The following NCOA4 variants were observed in gnomAD, a reference collection of about 807,000 sequenced individuals.
The protein encoded by NCOA4 is 70 kDa AR-activator.
In NCOA4, 31 loss-of-function variants were observed where a neutral mutation model predicts 69.5. The observed-to-expected ratio is 0.45, with a 90% CI of 0.34 to 0.60. The LOEUF (loss-of-function observed/expected upper bound fraction) is 0.60. NCOA4 is among the 20% of genes least tolerant of loss of function. The probability of loss-of-function intolerance (pLI) is 0.02; values close to 1 mark genes in which losing one functional copy is unlikely to be tolerated. For synonymous variants in NCOA4, 228 were observed against 252.4 expected, an observed-to-expected ratio of 0.90 and a Z score of 0.92; for missense variants, 600 against 719.2, an observed-to-expected ratio of 0.83 and a Z score of 1.90.
chr10:46,017,375 C>T (rs1173852614), intron 1 of NCOA4, among the ~76,000 whole-genome samples: 3 of 151,986 alleles, frequency 2.0e-5, no homozygotes, highest in Non-Finnish European at 2.9e-5. Context: ...AGCCAGACCC[C>T]GTCTCTACAA....
At chr10:46,020,393 T>C (rs563934196) in intron 1 of NCOA4, among the ~76,000 whole-genome samples, 7 of 152,310 alleles carry the variant, frequency 4.6e-5, no homozygotes, top group African/African-American at 1.7e-4. Flanking sequence ...TAAAGTGAGA[T>C]ATTATATGTC....
At chr10:46,011,519 C>T (rs1213654639) in intron 7 of NCOA4, among the ~76,000 whole-genome samples, 6 of 151,802 alleles carry the variant, frequency 4.0e-5, no homozygotes, top group Middle Eastern at 3.4e-3. Flanking sequence ...TCGTGATCCG[C>T]CCACCTCAGC....
rs267602517 is a variant in NCOA4 at position 46,010,226 on chromosome 10, G to T, written c.1695C>A (p.Ala565=). ...GEDKWLLRKK[A]QEVLLNSPLQ... is the part of the protein sequence containing the mutation. ...CTATTTTGATGTTTATGCTCACCTG[G>T]GCCTTCTTTCGAAGCAGCCACTTGT... is the stretch of plus-strand genomic sequence containing the variant. The change falls in exon 8 of 10, where the codon GCC becomes GCA. Residue 565 remains alanine (A), a synonymous_variant. Coordinates refer to ENST00000581486, the MANE Select transcript of NCOA4 (RefSeq NM_001145263.2). 80 of 1,600,068 alleles carry T rather than the reference G, an allele frequency of 5.0e-5. No homozygotes were observed. The highest frequency in any genetic ancestry group is 6.4e-5 in the Non-Finnish European group (75 of 1,175,472).
Position 46,016,710 on chromosome 10 carries a change from AT to A in NCOA4, c.-14-17del. Reference sequence around the variant, plus strand: ...CTCACTGCTCCTTTAAAAGAAAAAAATATATATAAATAGCACCATAATTACA... The same window carrying A: ...CTCACTGCTCCTTTAAAAGAAAAAAAATATATAAATAGCACCATAATTACA... On this transcript the variant is annotated splice_polypyrimidine_tract_variant and intron_variant, in intron 1 of 9. Transcript: ENST00000581486. 2.2e-6 allele frequency: 3 copies of A among 1,386,912 alleles called. No individual in the cohort carries two copies. Among genetic ancestry groups the A allele is most frequent in the Non-Finnish European group, 1.9e-6 (2 of 1,056,236 alleles). The allele number at this position is 1,386,912 out of a possible 1,614,324, so 85.9% of individuals were successfully genotyped here. A position where few individuals can be genotyped will look rare whatever the true frequency, so the allele number is the denominator to read the frequency against.
In NCOA4 at chr10:46,015,279, T is replaced by G. The variant is rs782204766; in HGVS notation, c.142-13A>C. 6.6e-7 allele frequency: 1 copy of G among 1,518,780 alleles called. No individual in the cohort carries two copies. Among genetic ancestry groups the G allele is most frequent in the East Asian group, 2.9e-5 (1 of 34,760 alleles). The allele number at this position is 1,518,780 out of a possible 1,614,324, so 94.1% of individuals were successfully genotyped here. A position where few individuals can be genotyped will look rare whatever the true frequency, so the allele number is the denominator to read the frequency against. On this transcript the variant is annotated splice_polypyrimidine_tract_variant and intron_variant, in intron 2 of 9. Transcript: ENST00000581486. ...TCTGAGCTTTGACCTAGGAAACACA[T>G]ACATGTTAGCTTCCTAGTGTTAATC...
At chr10:46,017,606 T>C (rs1003894276) in intron 1 of NCOA4, among the ~76,000 whole-genome samples, 1 of 152,018 alleles carries the variant, frequency 6.6e-6, no homozygotes, top group South Asian at 2.1e-4. Context: ...AGAGAATATA[T>C]GTAATATATA....
Position 46,006,339 on chromosome 10 carries a change from G to T in NCOA4, c.*253C>A, listed in dbSNP as rs187549764. The T allele has an allele frequency of 9.6e-6, 5 of 521,118 alleles. No individual in the cohort carries two copies. The highest frequency in any genetic ancestry group is 9.4e-5 in the African/African-American group (5 of 53,058). 32.3% of individuals were successfully genotyped at this position (521,118 alleles called of 1,614,324 possible). On this transcript the variant is annotated 3_prime_UTR_variant, in exon 10 of 10. Coordinates refer to ENST00000581486, the MANE Select transcript of NCOA4 (RefSeq NM_001145263.2). ...CGTCCACAAAGATGCTGCATTTCTA[G>T]TGTGGGGTGAATTAAAATACTTCTG...
At chr10:46,022,473 T>C (rs1839931613) in intron 1 of NCOA4, 1 of 467,336 alleles carries the variant, frequency 2.1e-6, no homozygotes, top group Admixed American at 2.4e-5. Flanking sequence ...TTTGGGTTTT[T>C]TTTTTGTTTT....
intron 1 of NCOA4, among the ~76,000 whole-genome samples, chr10:46,025,729 A>C (rs961311125): frequency 6.6e-6 from 1 of 152,192 alleles, no homozygotes; most frequent in East Asian, 1.9e-4. Flanking sequence ...ACTTTTGGCC[A>C]ATAGAGTTGG....
At chr10:46,013,666 G>A (rs1554922359) in intron 5 of NCOA4, 27 bp from the exon 6 acceptor site, 4 of 1,518,568 alleles carry the variant, frequency 2.6e-6, no homozygotes, top group Non-Finnish European at 3.6e-6. Flanking sequence ...ATTTAATCAT[G>A]TTATTTATGC....
intron 7 of NCOA4, among the ~76,000 whole-genome samples, chr10:46,012,476 C>T (rs1393894935): frequency 4.6e-5 from 7 of 151,762 alleles, no homozygotes; most frequent in Admixed American, 3.9e-4. Context: ...TTATATACTA[C>T]TAAATACTTT....
In NCOA4 at chr10:46,020,588, T is replaced by C. The variant is rs116700731; in HGVS notation, c.-14-3894A>G. Among the ~76,000 whole-genome samples the C allele has an allele frequency of 6.4e-3, 980 of 152,316 alleles. 7 individuals are homozygous for C. Among genetic ancestry groups the C allele is most frequent in the East Asian group, 0.019 (97 of 5,188 alleles). ...CTTCCTAATTCATATGTGAGGAATATAGACTCACAGACTTAGGGGTAAGGA... is the reference window on the plus strand; with the variant it reads ...CTTCCTAATTCATATGTGAGGAATACAGACTCACAGACTTAGGGGTAAGGA... On this transcript the variant is annotated intron_variant, in intron 1 of 9. Transcript: ENST00000581486.
At position 46,019,408 on chromosome 10, in the gene NCOA4, C is replaced by CAAG. The variant is rs569571583; in HGVS notation, c.-14-2717_-14-2715dup. ...TCACTTTGCACTTAGGCCAGTCATG[C>CAAG]AAGACCTGTTTAGCAGTCTTTCAAA... On this transcript the variant is annotated intron_variant, in intron 1 of 9. Transcript: ENST00000581486. The CAAG allele has an allele frequency of 1.4e-3, 1,337 of 985,446 alleles. 2 individuals are homozygous for CAAG. The highest frequency in any genetic ancestry group is 7.8e-3 in the Middle Eastern group (15 of 1,914). The allele number at this position is 985,446 out of a possible 1,614,324, so 61.0% of individuals were successfully genotyped here.
chr10:46,006,681 T>A, intron 9 of NCOA4, 84 bp from the exon 10 acceptor site: 3 of 1,271,786 alleles, frequency 2.4e-6, no homozygotes, highest in Non-Finnish European at 3.5e-6. Context: ...CCGACTCATT[T>A]CCCAATACAG....
At chr10:46,016,410 G>A (rs1441881376) in intron 2 of NCOA4, 130 bp downstream of exon 2, 2 of 748,284 alleles carry the variant, frequency 2.7e-6, no homozygotes, top group Non-Finnish European at 3.9e-6. Context: ...CAACTGACGG[G>A]GACCAAGTAG....
At chr10:46,025,906 G>A (rs1413290902) in intron 1 of NCOA4, among the ~76,000 whole-genome samples, 1 of 152,152 alleles carries the variant, frequency 6.6e-6, no homozygotes, top group African/African-American at 2.4e-5. Context: ...CTAATACTAA[G>A]CAGACAACCT....
chr10:46,010,579 G>A lies in NCOA4; in HGVS notation c.1342C>T (p.Pro448Ser). ...GAATCTTTATGCTTCTCAGGCTCAG[G>A]TTTGGGTTCCACAGGCATCCCATTT... ...DKNGMPVEPK[P>S]EPEKHKDSLN... The change falls in exon 8 of 10, where the codon CCT becomes TCT. Residue 448 changes from proline to serine, a missense_variant. Transcript: ENST00000581486. 6.2e-7 allele frequency: 1 copy of A among 1,614,198 alleles called. No homozygotes were observed. The highest frequency in any genetic ancestry group is 8.5e-7 in the Non-Finnish European group (1 of 1,180,040).
chr10:46,012,912 T>A lies in NCOA4; in HGVS notation c.685A>T (p.Thr229Ser), dbSNP rs782736069. 1 of 1,614,130 alleles carries A rather than the reference T, an allele frequency of 6.2e-7. No homozygotes were observed. The highest frequency in any genetic ancestry group is 1.1e-5 in the South Asian group (1 of 91,086). Residue 229 changes from threonine to serine, a missense_variant, in exon 7 of 10, where the codon ACC becomes TCC. Thr to Ser is a moderately conservative substitution (Grantham distance 58). Coordinates refer to ENST00000581486, the MANE Select transcript of NCOA4 (RefSeq NM_001145263.2). ...CTGTTCTCCAAGGTCTGCTTTTGGG[T>A]AAGCCAGTCCTGGGGGTCGGTGCTG... ...IPSTDPQDWLTQKQTLENSQT... is the reference protein window; with the variant it reads ...IPSTDPQDWLSQKQTLENSQT...
In NCOA4 at chr10:46,006,417, TAAACAG is replaced by T; in HGVS notation, c.*169_*174del. ...GCATGAATAAACAGCATTTTTCTTT[TAAACAG>T]TAACTCATAATCTGATGACTCACTT... is the stretch of plus-strand genomic sequence containing the variant. On this transcript the variant is annotated 3_prime_UTR_variant, in exon 10 of 10. Coordinates refer to ENST00000581486, the MANE Select transcript of NCOA4 (RefSeq NM_001145263.2). The T allele has an allele frequency of 1.5e-6, 1 of 660,052 alleles. No individual in the cohort carries two copies. Among genetic ancestry groups the T allele is most frequent in the Admixed American group, 2.5e-5 (1 of 40,268 alleles). The allele number at this position is 660,052 out of a possible 1,614,324, so 40.9% of individuals were successfully genotyped here. A position where few individuals can be genotyped will look rare whatever the true frequency, so the allele number is the denominator to read the frequency against.
Sources: gnomAD v4.1 joint callset for allele counts (sites outside exome capture counted in the v4.1 genomes callset) on GRCh38, gnomAD v4.1.1 for gene constraint, MANE v1.5 for transcripts, NCBI Gene and HGNC (gene_info 2026-07-23, HGNC 2026-07-21) for gene names.